Variants in GRIK2 observed in about 807,000 individuals in gnomAD.
The protein encoded by GRIK2 is glutamate receptor ionotropic, kainate 2.
GRIK2 carries 32 observed loss-of-function variants against 100.3 expected under a neutral mutation model. That is an observed-to-expected ratio of 0.32 (90% CI 0.24 to 0.43). The LOEUF (loss-of-function observed/expected upper bound fraction) is 0.43. Among genes scored for constraint, GRIK2 ranks in the 20% least tolerant of loss-of-function variants. The probability of loss-of-function intolerance (pLI) is 1.00; values close to 1 mark genes in which losing one functional copy is unlikely to be tolerated. For synonymous variants in GRIK2, 417 were observed against 389.4 expected (o/e 1.07, Z -0.83); for missense variants, 843 against 1,114.9 (o/e 0.76, Z 3.47).
intron 2 of GRIK2, among the ~76,000 whole-genome samples, chr6:101,495,398 CG>C (rs1289323417): frequency 6.6e-6 from 1 of 151,762 alleles, no homozygotes; most frequent in African/African-American, 2.4e-5. Context: ...CCCAGCTACT[CG>C]GGAGGCTGAG....
intron 11 of GRIK2, among the ~76,000 whole-genome samples, chr6:101,868,393 TA>T (rs1201097853): frequency 6.6e-6 from 1 of 151,730 alleles, no homozygotes; most frequent in East Asian, 1.9e-4. Context: ...AAGTCAGTAA[TA>T]AAAATTTTGT....
chr6:101,759,814 C>A (rs1383235285), intron 7 of GRIK2, among the ~76,000 whole-genome samples: 1 of 151,586 alleles, frequency 6.6e-6, no homozygotes, highest in Non-Finnish European at 1.5e-5. Context: ...AAAAAGGTTT[C>A]TTTAATAATC....
chr6:101,939,018 C>G (rs1371393019), intron 14 of GRIK2, among the ~76,000 whole-genome samples: 1 of 152,018 alleles, frequency 6.6e-6, no homozygotes, highest in Non-Finnish European at 1.5e-5. Context: ...TTAGAAGCTA[C>G]ACATTATATT....
At chr6:102,049,324 A>G (rs1228947640) in intron 15 of GRIK2, among the ~76,000 whole-genome samples, 2 of 152,164 alleles carry the variant, frequency 1.3e-5, no homozygotes, top group Non-Finnish European at 2.9e-5. Flanking sequence ...TTCCACAGAG[A>G]GAACACATGT....
chr6:101,465,147 G>C (rs1424483425), intron 2 of GRIK2, among the ~76,000 whole-genome samples: 1 of 152,060 alleles, frequency 6.6e-6, no homozygotes, highest in East Asian at 1.9e-4. Flanking sequence ...CACATAACGG[G>C]TACAAGTATA....
At chr6:101,982,155 C>T (rs1049059460) in intron 14 of GRIK2, among the ~76,000 whole-genome samples, 7 of 151,848 alleles carry the variant, frequency 4.6e-5, no homozygotes, top group African/African-American at 1.7e-4. Flanking sequence ...TGTCATCAAA[C>T]TTCAGCAAAT....
intron 7 of GRIK2, among the ~76,000 whole-genome samples, chr6:101,784,954 G>A (rs1267198654): frequency 1.3e-5 from 2 of 151,982 alleles, no homozygotes; most frequent in African/African-American, 4.8e-5. Flanking sequence ...CCATGTTTTT[G>A]GTTTGCATTT....
intron 14 of GRIK2, among the ~76,000 whole-genome samples, chr6:102,030,285 A>T (rs1769916295): frequency 6.6e-6 from 1 of 151,226 alleles, no homozygotes; most frequent in Admixed American, 6.6e-5. Context: ...TTTCTTTTGA[A>T]ACATCCGCCA....
intron 14 of GRIK2, among the ~76,000 whole-genome samples, chr6:101,953,557 C>T (rs181997744): frequency 6.6e-6 from 1 of 152,246 alleles, no homozygotes; most frequent in East Asian, 1.9e-4. Flanking sequence ...ATTTGTATAT[C>T]TTTGGAGAAA....
chr6:101,637,135 G>C (rs534006837), intron 4 of GRIK2, among the ~76,000 whole-genome samples: 1 of 151,970 alleles, frequency 6.6e-6, no homozygotes, highest in African/African-American at 2.4e-5. Flanking sequence ...TCATGATGTT[G>C]TTCAAGATTT....
intron 15 of GRIK2, among the ~76,000 whole-genome samples, chr6:102,051,208 T>C (rs1771162766): frequency 6.6e-6 from 1 of 152,084 alleles, no homozygotes; most frequent in South Asian, 2.1e-4. Flanking sequence ...GAGGTTTCAC[T>C]ATGTAATAAC....
At chr6:101,750,110 C>T (rs1160672658) in intron 7 of GRIK2, among the ~76,000 whole-genome samples, 2 of 151,592 alleles carry the variant, frequency 1.3e-5, no homozygotes, top group Non-Finnish European at 2.9e-5. Flanking sequence ...CCACTGCACC[C>T]AGCAGTGTGT....
chr6:102,040,982 T>A (rs1007156246), intron 15 of GRIK2, among the ~76,000 whole-genome samples: 2 of 151,738 alleles, frequency 1.3e-5, no homozygotes, highest in South Asian at 2.1e-4. Context: ...TAAATCTAGA[T>A]CTAATAATTT....
At chr6:101,613,752 G>A (rs74830987) in intron 2 of GRIK2, among the ~76,000 whole-genome samples, 1,602 of 149,746 alleles carry the variant, frequency 0.011, 38 homozygotes, top group African/African-American at 0.038. Flanking sequence ...GACACACTAG[G>A]CTGTGTTCAG....
At chr6:101,791,779 G>A (rs547103873) in intron 7 of GRIK2, among the ~76,000 whole-genome samples, 7,095 of 150,400 alleles carry the variant, frequency 0.047, 206 homozygotes, top group African/African-American at 0.076. Context: ...TTTCTGTCTC[G>A]TTGATCTGTC....
chr6:101,519,605 T>C (rs924970042), intron 2 of GRIK2, among the ~76,000 whole-genome samples: 7 of 152,106 alleles, frequency 4.6e-5, no homozygotes, highest in Admixed American at 2.6e-4. Context: ...GAATACAAAA[T>C]ATCTTATAAA....
intron 2 of GRIK2, among the ~76,000 whole-genome samples, chr6:101,462,561 A>G (rs536273782): frequency 6.6e-6 from 1 of 152,368 alleles, no homozygotes; most frequent in Admixed American, 6.5e-5. Flanking sequence ...TATAGGTACA[A>G]GGACATCTTA....
chr6:101,694,193 C>A (rs1460637086), intron 7 of GRIK2, among the ~76,000 whole-genome samples: 2 of 152,040 alleles, frequency 1.3e-5, no homozygotes, highest in Non-Finnish European at 2.9e-5. Flanking sequence ...ACAAAAATGC[C>A]AAGCTGGTTA....
intron 14 of GRIK2, among the ~76,000 whole-genome samples, chr6:102,020,115 G>A (rs1361605631): frequency 6.6e-6 from 1 of 151,892 alleles, no homozygotes; most frequent in African/African-American, 2.4e-5. Flanking sequence ...ACATTCCACA[G>A]AGTAAGTATC....
Sources: allele counts gnomAD v4.1 joint callset (sites outside exome capture counted in the v4.1 genomes callset), GRCh38; gene constraint gnomAD v4.1.1; transcripts MANE v1.5; gene names NCBI Gene and HGNC (gene_info 2026-07-23, HGNC 2026-07-21).